PDE4D: variants seen among roughly 807,000 people sequenced by gnomAD.
PDE4D encodes 3',5'-cyclic-AMP phosphodiesterase 4D.
A neutral mutation model predicts 87.4 loss-of-function variants in PDE4D; 24 were observed. The observed-to-expected ratio is 0.27, with a 90% CI of 0.20 to 0.39. The LOEUF is 0.39. PDE4D is among the 10% of genes least tolerant of loss of function. PDE4D has a pLI of 1.00. For missense variants in PDE4D, 714 were observed against 1,041.0 expected (o/e 0.69, Z 4.32); for synonymous variants, 384 against 383.2 (o/e 1.00, Z -0.02).
At chr5:59,043,573 C>T (rs1561376368) in intron 5 of PDE4D, among the ~76,000 whole-genome samples, 1 of 152,024 alleles carries the variant, frequency 6.6e-6, no homozygotes, top group Non-Finnish European at 1.5e-5. Context: ...TTTATTATTA[C>T]ACTTTAAGTT....
At chr5:59,557,714 G>A (rs1382306778) in intron 1 of PDE4D, among the ~76,000 whole-genome samples, 1 of 152,098 alleles carries the variant, frequency 6.6e-6, no homozygotes, top group Non-Finnish European at 1.5e-5. Context: ...TTTAATTAAA[G>A]AATGAGCTAA....
At chr5:58,992,941 T>G (rs1293614363) in intron 7 of PDE4D, among the ~76,000 whole-genome samples, 1 of 152,160 alleles carries the variant, frequency 6.6e-6, no homozygotes, top group Non-Finnish European at 1.5e-5. Flanking sequence ...TTGTATTTTA[T>G]CTGCCCACCA....
chr5:60,515,601 C>CTTTT (rs954970783), intron 1 of PDE4D, among the ~76,000 whole-genome samples: 7,733 of 105,810 alleles, frequency 0.073, 709 homozygotes, highest in African/African-American at 0.22. Flanking sequence ...TTTTCTTTTT[C>CTTTT]TTTTTTTTTT....
chr5:60,377,792 G>T (rs550695775), intron 1 of PDE4D, among the ~76,000 whole-genome samples: 4 of 152,166 alleles, frequency 2.6e-5, no homozygotes, highest in African/African-American at 4.8e-5. Context: ...AGGAGAAAAA[G>T]ATATATTCAA....
intron 5 of PDE4D, among the ~76,000 whole-genome samples, chr5:59,123,359 A>G (rs561694954): frequency 6.6e-6 from 1 of 152,182 alleles, no homozygotes; most frequent in East Asian, 1.9e-4. Context: ...CCCTTCTTTG[A>G]TACTTCCTTT....
intron 1 of PDE4D, among the ~76,000 whole-genome samples, chr5:59,479,406 A>T (rs1803867325): frequency 6.6e-6 from 1 of 152,066 alleles, no homozygotes; most frequent in Non-Finnish European, 1.5e-5. Context: ...TAGATTTCAG[A>T]CTAGTTACCT....
chr5:59,733,430 T>C, intron 1 of PDE4D, among the ~76,000 whole-genome samples: 1 of 152,092 alleles, frequency 6.6e-6, no homozygotes, highest in East Asian at 1.9e-4. Flanking sequence ...GGATGAGATG[T>C]AGTATAATAA....
chr5:59,183,258 C>A (rs1198484951), intron 4 of PDE4D, among the ~76,000 whole-genome samples: 2 of 152,146 alleles, frequency 1.3e-5, no homozygotes, highest in Non-Finnish European at 2.9e-5. Flanking sequence ...TTAGAGTCTG[C>A]CAGATAATAC....
chr5:59,007,466 C>T (rs769786528), intron 6 of PDE4D, among the ~76,000 whole-genome samples: 3 of 152,098 alleles, frequency 2.0e-5, no homozygotes, highest in Non-Finnish European at 4.4e-5. Context: ...CCTCCCTTTG[C>T]TTTCAAATGC....
chr5:59,108,840 G>T (rs370800679), intron 5 of PDE4D, among the ~76,000 whole-genome samples: 22 of 149,898 alleles, frequency 1.5e-4, no homozygotes, highest in African/African-American at 5.2e-4. Context: ...GGAGGCAGAG[G>T]TTGCAGTAGT....
intron 1 of PDE4D, among the ~76,000 whole-genome samples, chr5:60,412,847 A>T (rs1019949063): frequency 2.4e-4 from 36 of 152,174 alleles, no homozygotes; most frequent in African/African-American, 8.4e-4. Context: ...ATTATTTCCT[A>T]TAACCCTTAC....
At chr5:59,485,001 G>A (rs549865116) in intron 1 of PDE4D, among the ~76,000 whole-genome samples, 5 of 152,212 alleles carry the variant, frequency 3.3e-5, no homozygotes, top group Admixed American at 6.5e-5. Flanking sequence ...TCCAGTTTTG[G>A]ATCACTTTTT....
At chr5:59,910,519 A>G (rs552270078) in intron 3 of PDE4D, among the ~76,000 whole-genome samples, 1 of 152,336 alleles carries the variant, frequency 6.6e-6, no homozygotes, top group South Asian at 2.1e-4. Flanking sequence ...AAAATGCAAG[A>G]AACAGAAGCA....
At chr5:60,147,680 C>T (rs2961899) in intron 2 of PDE4D, 67,247 of 431,338 alleles carry the variant, frequency 0.16, 5,798 homozygotes, top group Middle Eastern at 0.24. Context: ...GCAGTCAAGC[C>T]GCCAGCTGAG....
intron 5 of PDE4D, among the ~76,000 whole-genome samples, chr5:59,097,163 C>T (rs976221892): frequency 2.6e-5 from 4 of 152,120 alleles, no homozygotes; most frequent in Non-Finnish European, 5.9e-5. Context: ...TTGATACATG[C>T]AAGTCAACAA....
chr5:60,390,727 T>A (rs918442131), intron 1 of PDE4D, among the ~76,000 whole-genome samples: 10 of 151,934 alleles, frequency 6.6e-5, no homozygotes, highest in African/African-American at 2.4e-4. Flanking sequence ...AAGCTACTAT[T>A]AAAAAAATCA....
chr5:59,641,418 C>T (rs1741564926), intron 1 of PDE4D, among the ~76,000 whole-genome samples: 1 of 152,204 alleles, frequency 6.6e-6, no homozygotes, highest in African/African-American at 2.4e-5. Flanking sequence ...CTTCAGAATC[C>T]CTTCTTTTCC....
At chr5:59,932,252 A>C (rs1159031196) in intron 3 of PDE4D, among the ~76,000 whole-genome samples, 1 of 152,170 alleles carries the variant, frequency 6.6e-6, no homozygotes, top group African/African-American at 2.4e-5. Context: ...TCAACAGATA[A>C]TGTATTGAGC....
intron 1 of PDE4D, among the ~76,000 whole-genome samples, chr5:60,230,884 T>A (rs753207702): frequency 2.4e-4 from 36 of 152,038 alleles, no homozygotes; most frequent in Non-Finnish European, 4.7e-4. Context: ...TGGCATAAAC[T>A]CTAGAAGATG....
Sources: gnomAD v4.1 joint callset for allele counts (sites outside exome capture counted in the v4.1 genomes callset) on GRCh38, gnomAD v4.1.1 for gene constraint, MANE v1.5 for transcripts, NCBI Gene and HGNC (gene_info 2026-07-23, HGNC 2026-07-21) for gene names.